The following CXCL17 variants were observed in gnomAD, a reference collection of about 807,000 sequenced individuals.
CXCL17 encodes the protein C-X-C motif chemokine ligand 17.
In CXCL17, 9 loss-of-function variants were observed where a neutral mutation model predicts 15.5. The observed-to-expected ratio is 0.58, with a 90% CI of 0.35 to 1.01. The LOEUF is 1.01. Ranked by LOEUF, CXCL17 falls within the 50% of genes least tolerant of loss-of-function variation. CXCL17 has a pLI of 0.02. For missense variants in CXCL17, 133 were observed against 138.2 expected (o/e 0.96, Z 0.19); for synonymous variants, 52 against 52.3 (o/e 0.99, Z 0.02).
intron 1 of CXCL17, among the ~76,000 whole-genome samples, chr19:42,442,197 A>G (rs2040899057): frequency 6.6e-6 from 1 of 151,186 alleles, no homozygotes; most frequent in East Asian, 1.9e-4. Flanking sequence ...GGGATCAGCT[A>G]CAATTGCAGA....
chr19:42,433,945 C>G, intron 1 of CXCL17, 89 bp from the exon 2 acceptor site: 1 of 852,394 alleles, frequency 1.2e-6, no homozygotes, highest in Non-Finnish European at 1.9e-6. Flanking sequence ...CAGCACAGTT[C>G]CATTTTTCCA....
chr19:42,433,152 C>T (rs997669774), intron 2 of CXCL17, 75 bp from the exon 3 acceptor site: 11 of 1,047,294 alleles, frequency 1.1e-5, no homozygotes, highest in East Asian at 9.6e-5. Context: ...GAGCTTTAAT[C>T]GCCATCTTCT....
chr19:42,442,816 G>GAGATT lies in CXCL17; in HGVS notation c.12_16dup (p.Ser6Ter). The GAGATT allele has an allele frequency of 6.2e-7, 1 of 1,613,706 alleles. No homozygotes were observed. Among genetic ancestry groups the GAGATT allele is most frequent in the Non-Finnish European group, 8.5e-7 (1 of 1,179,744 alleles). ...TAGTGGCAGCAACAGGAGGAGGGAAGAGATTAGAACTTTCATCGCAACTGT... is the reference window on the plus strand; with the variant it reads ...TAGTGGCAGCAACAGGAGGAGGGAAGAGATTAGATTAGAACTTTCATCGCAACTGT... On this transcript the variant is annotated stop_gained and frameshift_variant, in exon 1 of 4. Coordinates refer to ENST00000601181, the MANE Select transcript of CXCL17 (RefSeq NM_198477.3). LOFTEE classifies it high-confidence loss of function.
At chr19:42,435,845 A>G (rs937300234) in intron 1 of CXCL17, among the ~76,000 whole-genome samples, 2 of 146,038 alleles carry the variant, frequency 1.4e-5, no homozygotes, top group African/African-American at 5.2e-5. Context: ...AAAAAAAAAA[A>G]GTAGGGGGGA....
intron 3 of CXCL17, among the ~76,000 whole-genome samples, chr19:42,429,781 C>T (rs551424199): frequency 4.0e-4 from 61 of 152,290 alleles, no homozygotes; most frequent in Non-Finnish European, 8.1e-4. Context: ...TAGTTTGCTA[C>T]GTATTTTTCC....
At chr19:42,442,209 ATCT>A (rs928849886) in intron 1 of CXCL17, among the ~76,000 whole-genome samples, 4 of 146,634 alleles carry the variant, frequency 2.7e-5, no homozygotes, top group Non-Finnish European at 6.0e-5. Flanking sequence ...AATTGCAGAT[ATCT>A]TCTTTTCTTT....
chr19:42,430,594 C>CAA (rs537870150), intron 3 of CXCL17, among the ~76,000 whole-genome samples: 2 of 85,212 alleles, frequency 2.3e-5, no homozygotes, highest in African/African-American at 7.5e-5. Flanking sequence ...AACTCCATCT[C>CAA]AAAAAAAAAA....
chr19:42,434,504 C>G (rs572971076), intron 1 of CXCL17, among the ~76,000 whole-genome samples: 1 of 152,298 alleles, frequency 6.6e-6, no homozygotes, highest in Admixed American at 6.5e-5. Flanking sequence ...TCACGGCTCA[C>G]TGCAGCCTTG....
At chr19:42,430,594 CAAAA>C (rs537870150) in intron 3 of CXCL17, among the ~76,000 whole-genome samples, 1 of 85,182 alleles carries the variant, frequency 1.2e-5, no homozygotes, top group Admixed American at 1.4e-4. Context: ...AACTCCATCT[CAAAA>C]AAAAAAAAAA....
intron 1 of CXCL17, among the ~76,000 whole-genome samples, chr19:42,437,343 A>G (rs1224906289): frequency 6.6e-6 from 1 of 152,194 alleles, no homozygotes; most frequent in Admixed American, 6.5e-5. Flanking sequence ...TTTTCCTAAC[A>G]TGCATTGGAA....
At chr19:42,436,289 G>C (rs539281561) in intron 1 of CXCL17, among the ~76,000 whole-genome samples, 20 of 152,324 alleles carry the variant, frequency 1.3e-4, no homozygotes, top group Middle Eastern at 6.8e-3. Context: ...CCCAAGGGCT[G>C]CTTTTCCAAT....
At chr19:42,438,096 C>T (rs1188717773) in intron 1 of CXCL17, among the ~76,000 whole-genome samples, 1 of 151,814 alleles carries the variant, frequency 6.6e-6, no homozygotes, top group African/African-American at 2.4e-5. Context: ...TGGGGGCTCA[C>T]ACCTGTAATC....
chr19:42,433,189 G>A (rs745800878), intron 2 of CXCL17, 112 bp from the exon 3 acceptor site: 51 of 694,670 alleles, frequency 7.3e-5, no homozygotes, highest in Admixed American at 1.4e-4. Flanking sequence ...CTGCAATGGG[G>A]TGGGAAAAGG....
At chr19:42,435,139 A>G (rs1183374361) in intron 1 of CXCL17, among the ~76,000 whole-genome samples, 1 of 151,552 alleles carries the variant, frequency 6.6e-6, no homozygotes, top group Non-Finnish European at 1.5e-5. Flanking sequence ...AGATCGTACC[A>G]TTGTACTCCA....
In CXCL17 at chr19:42,428,810, A is replaced by G. The variant is rs559617964; in HGVS notation, c.*74T>C. 286 of 1,086,068 alleles carry G rather than the reference A, an allele frequency of 2.6e-4. No individual in the cohort carries two copies. Among genetic ancestry groups the G allele is most frequent in the Middle Eastern group, 6.1e-4 (3 of 4,938 alleles). 67.3% of individuals were successfully genotyped at this position (1,086,068 alleles called of 1,614,324 possible). On this transcript the variant is annotated 3_prime_UTR_variant, in exon 4 of 4. Transcript: ENST00000601181. ...AGTGGGAGAGTGAGGTGGGAGAAGA[A>G]GAGTGTCTGGTAGGTGTGCTCACTG...
At chr19:42,434,163 G>A (rs1255962779) in intron 1 of CXCL17, among the ~76,000 whole-genome samples, 2 of 151,870 alleles carry the variant, frequency 1.3e-5, no homozygotes, top group East Asian at 1.9e-4. Context: ...AAGGGATTGA[G>A]GTTTAAAATC....
intron 1 of CXCL17, among the ~76,000 whole-genome samples, chr19:42,440,859 C>T (rs1216536482): frequency 7.9e-5 from 12 of 151,968 alleles, no homozygotes; most frequent in Admixed American, 7.2e-4. Context: ...GTTCCCCCTC[C>T]GGGGTCATTT....
chr19:42,430,103 C>T (rs959359919), intron 3 of CXCL17, among the ~76,000 whole-genome samples: 4 of 151,686 alleles, frequency 2.6e-5, no homozygotes, highest in Non-Finnish European at 5.9e-5. Flanking sequence ...GGAGGTGAGC[C>T]GTGATCATGC....
chr19:42,439,253 CAAAA>C (rs58768697), intron 1 of CXCL17, among the ~76,000 whole-genome samples: 5 of 77,488 alleles, frequency 6.5e-5, no homozygotes, highest in African/African-American at 1.8e-4. Flanking sequence ...GACTCTATCT[CAAAA>C]AAAAAAAAAA....
Sources: gnomAD v4.1 joint callset for allele counts (sites outside exome capture counted in the v4.1 genomes callset) on GRCh38, gnomAD v4.1.1 for gene constraint, MANE v1.5 for transcripts, NCBI Gene and HGNC (gene_info 2026-07-23, HGNC 2026-07-21) for gene names.